Variants in BBS9 observed in about 807,000 individuals in gnomAD.
BBS9 encodes the protein Bardet-Biedl syndrome 9, also known as protein PTHB1.
BBS9 carries 89 observed loss-of-function variants against 117.7 expected under a neutral mutation model. That is an observed-to-expected ratio of 0.76 (90% CI 0.64 to 0.90). BBS9 has a LOEUF of 0.90. Among genes scored for constraint, BBS9 ranks in the 40% least tolerant of loss-of-function variants. The pLI, the probability that BBS9 is intolerant of heterozygous loss-of-function variation, is 0.00. For missense variants in BBS9, 982 were observed against 1,042.2 expected (o/e 0.94, Z 0.80); for synonymous variants, 379 against 370.9 (o/e 1.02, Z -0.25).
At chr7:33,313,148 T>C (rs1445891973) in intron 9 of BBS9, among the ~76,000 whole-genome samples, 1 of 151,714 alleles carries the variant, frequency 6.6e-6, no homozygotes, top group African/African-American at 2.4e-5. Context: ...TATTGAATTC[T>C]TGCTTAGGTC....
Position 33,344,512 on chromosome 7 carries a change from A to G in BBS9, c.1276-69A>G, listed in dbSNP as rs370203128. On this transcript the variant is annotated intron_variant, in intron 11 of 22. Coordinates refer to ENST00000242067, the MANE Select transcript of BBS9 (RefSeq NM_198428.3). ...ATAGTAGGAAATATACATTGCACTC[A>G]TTGTGTTCACTCACTGCTGTGTAAT... is the stretch of plus-strand genomic sequence containing the variant. 149 of 1,322,078 alleles carry G rather than the reference A, an allele frequency of 1.1e-4. No individual in the cohort carries two copies. The East Asian group carries it at 2.8e-3, about 25-fold the overall frequency. The allele number at this position is 1,322,078 out of a possible 1,614,324, so 81.9% of individuals were successfully genotyped here.
intron 19 of BBS9, among the ~76,000 whole-genome samples, chr7:33,468,986 A>C (rs1297725913): frequency 7.3e-6 from 1 of 136,912 alleles, no homozygotes; most frequent in Non-Finnish European, 1.5e-5. Context: ...ATTTCTCTTC[A>C]ATCTACTGAT....
intron 5 of BBS9, among the ~76,000 whole-genome samples, chr7:33,208,646 T>A (rs1338888771): frequency 1.3e-5 from 2 of 152,194 alleles, no homozygotes; most frequent in African/African-American, 4.8e-5. Flanking sequence ...GCCATGGAAT[T>A]TGTTTCTTTT....
chr7:33,596,000 A>ATC (rs2129186986), intron 21 of BBS9, among the ~76,000 whole-genome samples: 1 of 152,102 alleles, frequency 6.6e-6, no homozygotes, highest in South Asian at 2.1e-4. Flanking sequence ...GGAGGGGAAC[A>ATC]ACACACACTG....
rs141174189 is a variant in BBS9, at chr7:33,173,528, C to T, written c.329-3950C>T. 4.3e-3 allele frequency among the ~76,000 whole-genome samples: 644 copies of T among 150,502 alleles called. 2 individuals carry two copies. Among genetic ancestry groups the T allele is most frequent in the African/African-American group, 0.015 (621 of 40,930 alleles). On this transcript the variant is annotated intron_variant, in intron 4 of 22. Transcript: ENST00000242067. The stretch of plus-strand genomic sequence containing the variant: ...CGGAGCTTGCAGTGAGCTGAGATTG[C>T]GCCACTGCACTCCAGCCTTGGCAAC...
At chr7:33,266,064 G>A (rs1005441672) in intron 7 of BBS9, among the ~76,000 whole-genome samples, 6 of 152,004 alleles carry the variant, frequency 3.9e-5, no homozygotes, top group African/African-American at 1.2e-4. Flanking sequence ...AATATTCCAT[G>A]GCTCTTCTTC....
At chr7:33,283,800 G>A (rs1802355193) in intron 9 of BBS9, among the ~76,000 whole-genome samples, 1 of 152,294 alleles carries the variant, frequency 6.6e-6, no homozygotes, top group Admixed American at 6.5e-5. Context: ...GAAGGATTGT[G>A]TGGGGAGTTT....
chr7:33,585,413 C>T (rs1467133216), intron 21 of BBS9, among the ~76,000 whole-genome samples: 1 of 152,024 alleles, frequency 6.6e-6, no homozygotes, highest in Non-Finnish European at 1.5e-5. Flanking sequence ...TCTTTCCTTT[C>T]TGACAAGGAG....
chr7:33,134,900 T>G (rs1399641334), intron 1 of BBS9, among the ~76,000 whole-genome samples: 1 of 152,164 alleles, frequency 6.6e-6, no homozygotes, highest in African/African-American at 2.4e-5. Context: ...CTGGCTTTAT[T>G]TATTTATTTT....
At chr7:33,196,806 A>G (rs534767323) in intron 5 of BBS9, among the ~76,000 whole-genome samples, 81 of 152,326 alleles carry the variant, frequency 5.3e-4, no homozygotes, top group Admixed American at 9.8e-4. Flanking sequence ...TCTCATATAC[A>G]TGGCATTCAT....
At chr7:33,550,054 A>T (rs1056913160) in intron 21 of BBS9, among the ~76,000 whole-genome samples, 1 of 89,988 alleles carries the variant, frequency 1.1e-5, no homozygotes, top group African/African-American at 6.0e-5. Flanking sequence ...TTCATATAAC[A>T]ATTTTTTTTT....
chr7:33,560,763 A>C (rs914120972), intron 21 of BBS9, among the ~76,000 whole-genome samples: 1 of 152,178 alleles, frequency 6.6e-6, no homozygotes, highest in East Asian at 1.9e-4. Context: ...ATCTCTAGGG[A>C]TAGGCTTCCA....
chr7:33,566,618 G>A (rs1052254046), intron 21 of BBS9, among the ~76,000 whole-genome samples: 5 of 151,938 alleles, frequency 3.3e-5, no homozygotes, highest in Non-Finnish European at 5.9e-5. Flanking sequence ...AAATTTAAAT[G>A]CCTGTTTTCT....
chr7:33,334,706 T>C (rs1221712314), intron 9 of BBS9, among the ~76,000 whole-genome samples: 2 of 152,222 alleles, frequency 1.3e-5, no homozygotes, highest in Non-Finnish European at 1.5e-5. Flanking sequence ...AAGCAATTGA[T>C]AAAACTTAAA....
At chr7:33,391,542 A>C (rs139566430) in intron 19 of BBS9, among the ~76,000 whole-genome samples, 6 of 152,218 alleles carry the variant, frequency 3.9e-5, no homozygotes, top group African/African-American at 1.4e-4. Flanking sequence ...ACTTATTTTC[A>C]TCTTTACAAT....
intron 5 of BBS9, among the ~76,000 whole-genome samples, chr7:33,231,668 T>C (rs866579831): frequency 2.0e-5 from 3 of 152,040 alleles, no homozygotes; most frequent in Non-Finnish European, 4.4e-5. Context: ...TTTAAAGAAG[T>C]AGGTAATTTA....
At chr7:33,191,619 C>T (rs1049576861) in intron 5 of BBS9, among the ~76,000 whole-genome samples, 2 of 152,174 alleles carry the variant, frequency 1.3e-5, no homozygotes, top group African/African-American at 4.8e-5. Context: ...TATGCTCTGT[C>T]CTGGGCTGAA....
intron 21 of BBS9, among the ~76,000 whole-genome samples, chr7:33,546,733 C>T (rs974329899): frequency 3.3e-5 from 5 of 152,184 alleles, no homozygotes; most frequent in African/African-American, 1.2e-4. Flanking sequence ...AAAATTACCA[C>T]TAATTTCTGA....
At chr7:33,615,087 G>A (rs6964229) in intron 21 of BBS9, among the ~76,000 whole-genome samples, 54,681 of 151,676 alleles carry the variant, frequency 0.36, 12,877 homozygotes, top group African/African-American at 0.66. Context: ...CCTAATCATA[G>A]GACTATAGAA....
Sources: allele counts gnomAD v4.1 joint callset (sites outside exome capture counted in the v4.1 genomes callset), GRCh38; gene constraint gnomAD v4.1.1; transcripts MANE v1.5; gene names NCBI Gene and HGNC (gene_info 2026-07-23, HGNC 2026-07-21).